The following TOX2 variants were observed in gnomAD, a reference collection of about 807,000 sequenced individuals.
TOX2 encodes granulosa cell HMG box 1.
Under a neutral mutation model 47.4 loss-of-function variants are expected in TOX2, and 15 were observed. The observed-to-expected ratio is 0.32, with a 90% CI of 0.21 to 0.49. The LOEUF (loss-of-function observed/expected upper bound fraction) is 0.49, where lower values mean the gene tolerates loss of function less well. TOX2 is among the 20% of genes least tolerant of loss of function. TOX2 has a pLI of 0.99. For missense variants in TOX2, 622 were observed against 673.1 expected, an observed-to-expected ratio of 0.92 and a Z score of 0.84; for synonymous variants, 290 against 296.6, an observed-to-expected ratio of 0.98 and a Z score of 0.23.
intron 1 of TOX2, among the ~76,000 whole-genome samples, chr20:43,921,997 GA>G (rs2145831853): frequency 6.6e-6 from 1 of 152,304 alleles, no homozygotes; most frequent in Admixed American, 6.5e-5. Flanking sequence ...GTGCAGCAGA[GA>G]AAGTGGGTTT....
chr20:44,068,029 C>T (rs994847587), intron 8 of TOX2, among the ~76,000 whole-genome samples: 3 of 152,150 alleles, frequency 2.0e-5, no homozygotes, highest in African/African-American at 4.8e-5. Flanking sequence ...AACAAGTGAC[C>T]AGCGCGCATG....
intron 1 of TOX2, among the ~76,000 whole-genome samples, chr20:43,967,217 C>T (rs959024217): frequency 1.3e-5 from 2 of 152,066 alleles, no homozygotes; most frequent in Non-Finnish European, 2.9e-5. Context: ...AGTCCATGTA[C>T]ATGTTATGAG....
At chr20:43,937,872 G>A (rs2069347752) in intron 1 of TOX2, among the ~76,000 whole-genome samples, 1 of 152,210 alleles carries the variant, frequency 6.6e-6, no homozygotes, top group Non-Finnish European at 1.5e-5. Flanking sequence ...CTGGGTGCCA[G>A]AATCATGATC....
At chr20:43,941,756 C>T (rs1038373106) in intron 1 of TOX2, among the ~76,000 whole-genome samples, 6 of 152,278 alleles carry the variant, frequency 3.9e-5, no homozygotes, top group South Asian at 2.1e-4. Context: ...AGGAAGAGCT[C>T]AGCTCTCTGT....
chr20:44,050,049 GAAC>G (rs1182726528), intron 3 of TOX2, among the ~76,000 whole-genome samples: 6 of 152,170 alleles, frequency 3.9e-5, no homozygotes, highest in Non-Finnish European at 8.8e-5. Flanking sequence ...AAGTCTTCTT[GAAC>G]AACTCTTGGA....
chr20:44,035,945 T>A (rs2145703024), intron 3 of TOX2, among the ~76,000 whole-genome samples: 1 of 152,352 alleles, frequency 6.6e-6, no homozygotes, highest in South Asian at 2.1e-4. Flanking sequence ...CAGTGAGCTC[T>A]GGAATGCTAG....
At chr20:44,009,969 G>A (rs1007398409) in intron 3 of TOX2, among the ~76,000 whole-genome samples, 10 of 152,150 alleles carry the variant, frequency 6.6e-5, no homozygotes, top group Admixed American at 2.0e-4. Context: ...TGAAGCCTCG[G>A]TTTCCTTGTC....
chr20:43,916,238 G>A lies in TOX2; in HGVS notation c.99+1248G>A. 2 of 985,120 alleles carry A rather than the reference G, an allele frequency of 2.0e-6. No individual in the cohort carries two copies. The highest frequency in any genetic ancestry group is 2.4e-6 in the Non-Finnish European group (2 of 829,640). The allele number at this position is 985,120 out of a possible 1,614,324, so 61.0% of individuals were successfully genotyped here. On this transcript the variant is annotated intron_variant, in intron 1 of 8. Coordinates refer to ENST00000341197, the MANE Select transcript of TOX2 (RefSeq NM_001098797.2). This position sits in a 1 kb window ranked among gnomAD's most constrained non-coding sequence, Gnocchi z 5.0. ...GTGCGCGTCCAGTGGCTGGATCGGC[G>A]CCCCCCAGGGTCTCTCCCCAACCTC...
intron 1 of TOX2, among the ~76,000 whole-genome samples, chr20:43,934,366 C>T (rs2069296516): frequency 6.6e-6 from 1 of 152,128 alleles, no homozygotes; most frequent in Non-Finnish European, 1.5e-5. Flanking sequence ...ATTTAATCTT[C>T]ACAACAATCC....
chr20:44,009,078 C>G (rs577791886), intron 3 of TOX2, among the ~76,000 whole-genome samples: 139 of 152,322 alleles, frequency 9.1e-4, no homozygotes, highest in Non-Finnish European at 1.0e-4. Flanking sequence ...AGCAGAATCT[C>G]ATGGTTTGGG....
rs183026041 is a variant in TOX2, at chr20:44,033,715, C to T, written c.412-17591C>T. On this transcript the variant is annotated intron_variant, in intron 3 of 8. Coordinates refer to ENST00000341197, the MANE Select transcript of TOX2 (RefSeq NM_001098797.2). Reference sequence around the variant, plus strand: ...AAAAAAAATTATGGAAATGCTTCTCCCCTGGAGCCTCCAAAGAGAACGAGC... The same window carrying T: ...AAAAAAAATTATGGAAATGCTTCTCTCCTGGAGCCTCCAAAGAGAACGAGC... Among the ~76,000 whole-genome samples the T allele has an allele frequency of 2.7e-4, 41 of 152,256 alleles. No individual in the cohort carries two copies. The East Asian group carries it at 7.7e-3, about 29-fold the overall frequency.
intron 3 of TOX2, among the ~76,000 whole-genome samples, chr20:44,043,896 T>C (rs1171760315): frequency 6.6e-6 from 1 of 152,190 alleles, no homozygotes; most frequent in African/African-American, 2.4e-5. Flanking sequence ...ATAAATTTTC[T>C]AAGAAATGGA....
chr20:43,984,643 G>A (rs113520792), intron 2 of TOX2, among the ~76,000 whole-genome samples: 4 of 152,188 alleles, frequency 2.6e-5, no homozygotes, highest in South Asian at 4.1e-4. Context: ...GGAATGGATG[G>A]GGGGAGGACT....
At chr20:43,992,852 A>G (rs541280427) in intron 2 of TOX2, among the ~76,000 whole-genome samples, 1 of 146,124 alleles carries the variant, frequency 6.8e-6, no homozygotes, top group Non-Finnish European at 1.5e-5. Flanking sequence ...GGGTTTACAA[A>G]AAAAAAAAAA....
At chr20:44,005,563 A>G (rs949386104) in intron 2 of TOX2, among the ~76,000 whole-genome samples, 9 of 152,222 alleles carry the variant, frequency 5.9e-5, no homozygotes, top group East Asian at 1.9e-4. Flanking sequence ...CCAACAATCT[A>G]TAGAAAGAAT....
chr20:43,987,273 A>G (rs1014267959), intron 2 of TOX2, among the ~76,000 whole-genome samples: 2 of 152,248 alleles, frequency 1.3e-5, no homozygotes, highest in Non-Finnish European at 2.9e-5. Flanking sequence ...ACAACAAGAC[A>G]GAACATTCTA....
intron 2 of TOX2, among the ~76,000 whole-genome samples, chr20:43,978,000 G>T (rs750515661): frequency 8.5e-5 from 13 of 152,166 alleles, no homozygotes; most frequent in African/African-American, 1.2e-4. Flanking sequence ...ATTTCCTTAT[G>T]CAAGTGATAG....
chr20:44,026,029 C>T (rs753644669), intron 3 of TOX2, among the ~76,000 whole-genome samples: 1 of 151,690 alleles, frequency 6.6e-6, no homozygotes, highest in Non-Finnish European at 1.5e-5. Context: ...GTAGGGGGAA[C>T]TCTGATCTTT....
intron 4 of TOX2, among the ~76,000 whole-genome samples, chr20:44,052,178 T>G (rs2071524797): frequency 6.6e-6 from 1 of 152,134 alleles, no homozygotes; most frequent in Non-Finnish European, 1.5e-5. Context: ...ACCGCCCCAC[T>G]GGGAACATGC....
Sources: gnomAD v4.1 joint callset for allele counts (sites outside exome capture counted in the v4.1 genomes callset) on GRCh38, gnomAD v4.1.1 for gene constraint, Gnocchi (gnomAD v3.1) non-coding constraint, MANE v1.5 for transcripts, NCBI Gene and HGNC (gene_info 2026-07-23, HGNC 2026-07-21) for gene names.